The following PPP2R5E variants were observed in gnomAD, a reference collection of about 807,000 sequenced individuals.
PPP2R5E encodes the protein protein phosphatase 2 regulatory subunit B'epsilon, also known as serine/threonine-protein phosphatase 2A 56 kDa regulatory subunit epsilon isoform.
In PPP2R5E, 4 loss-of-function variants were observed where a neutral mutation model predicts 65.3. The observed-to-expected ratio is 0.06, with a 90% CI of 0.03 to 0.14. The LOEUF is 0.14. PPP2R5E is among the 10% of genes least tolerant of loss of function. The pLI is 1.00. For missense variants in PPP2R5E, 274 were observed against 556.1 expected, an observed-to-expected ratio of 0.49 and a Z score of 5.10; for synonymous variants, 183 against 187.4, an observed-to-expected ratio of 0.98 and a Z score of 0.19.
rs1049329571 is a variant in PPP2R5E at position 63,373,311 on chromosome 14, CAAA to C, written c.*2695_*2697del. ...ATTATGAAGCAAACAAAATATAACA[CAAA>C]GATGCATTTGTCACAATTAACTCAA... On this transcript the variant is annotated 3_prime_UTR_variant, in exon 14 of 14. Coordinates refer to ENST00000337537, the MANE Select transcript of PPP2R5E (RefSeq NM_006246.5). The C allele has an allele frequency of 2.0e-5, 3 of 152,120 alleles. No homozygotes were observed. Among genetic ancestry groups the C allele is most frequent in the African/African-American group, 7.2e-5 (3 of 41,418 alleles). The allele number at this position is 152,120 out of a possible 1,614,324, so 9.4% of individuals were successfully genotyped here.
At chr14:63,531,724 T>G (rs548468636) in intron 2 of PPP2R5E, among the ~76,000 whole-genome samples, 1 of 151,722 alleles carries the variant, frequency 6.6e-6, no homozygotes, top group Non-Finnish European at 1.5e-5. Context: ...GAGGCCAAAG[T>G]GGGAGGGTCA....
intron 13 of PPP2R5E, among the ~76,000 whole-genome samples, chr14:63,380,437 T>C (rs1594807435): frequency 6.6e-6 from 1 of 151,884 alleles, no homozygotes; most frequent in Non-Finnish European, 1.5e-5. Context: ...CCGAGGCAGG[T>C]GGATCATGAG....
At chr14:63,430,346 T>TATACATACATACATACATAC (rs36182172) in intron 3 of PPP2R5E, among the ~76,000 whole-genome samples, 13 of 135,148 alleles carry the variant, frequency 9.6e-5, no homozygotes, top group African/African-American at 1.6e-4. Context: ...AAAACCCATG[T>TATACATACATACATACATAC]ATACATACAT....
At chr14:63,410,968 A>T (rs1420719948) in intron 5 of PPP2R5E, among the ~76,000 whole-genome samples, 1 of 152,208 alleles carries the variant, frequency 6.6e-6, no homozygotes, top group Non-Finnish European at 1.5e-5. Context: ...GGCTGAAAAC[A>T]TAAAGTATAT....
intron 5 of PPP2R5E, among the ~76,000 whole-genome samples, chr14:63,398,123 C>T (rs577942361): frequency 6.6e-6 from 1 of 152,278 alleles, no homozygotes; most frequent in African/African-American, 2.4e-5. Flanking sequence ...ATGAGGTCCA[C>T]GCAACTAGTC....
At chr14:63,489,139 G>A (rs1431811142) in intron 2 of PPP2R5E, among the ~76,000 whole-genome samples, 1 of 151,850 alleles carries the variant, frequency 6.6e-6, no homozygotes, top group Non-Finnish European at 1.5e-5. Flanking sequence ...TGGATTTTTG[G>A]TTTTGTTCTT....
At chr14:63,484,343 TCTCTCA>T (rs1890870229) in intron 2 of PPP2R5E, among the ~76,000 whole-genome samples, 1 of 133,272 alleles carries the variant, frequency 7.5e-6, no homozygotes, top group African/African-American at 3.1e-5. Flanking sequence ...TTTCTCTCTC[TCTCTCA>T]CACACACACA....
At chr14:63,493,816 T>C (rs1238261821) in intron 2 of PPP2R5E, among the ~76,000 whole-genome samples, 3 of 152,128 alleles carry the variant, frequency 2.0e-5, no homozygotes, top group Non-Finnish European at 2.9e-5. Flanking sequence ...CTAACTAATT[T>C]AGCTTGTAAA....
At chr14:63,463,124 GA>G (rs772073313) in intron 2 of PPP2R5E, among the ~76,000 whole-genome samples, 3,359 of 136,596 alleles carry the variant, frequency 0.025, 71 homozygotes, top group Non-Finnish European at 0.035. Context: ...AAAAAACTAA[GA>G]TGGTTTTTTT....
chr14:63,398,925 T>A (rs924181107), intron 5 of PPP2R5E, among the ~76,000 whole-genome samples: 7 of 152,210 alleles, frequency 4.6e-5, no homozygotes, highest in African/African-American at 1.7e-4. Flanking sequence ...TTGGTAAGAA[T>A]GTAAAATGGT....
Position 63,448,325 on chromosome 14 carries a change from T to A in PPP2R5E, c.354+5364A>T, listed in dbSNP as rs556873083. Among the ~76,000 whole-genome samples, 807 of 152,004 alleles carry A rather than the reference T, an allele frequency of 5.3e-3. 9 individuals carry two copies. Among genetic ancestry groups the A allele is most frequent in the African/African-American group, 0.018 (759 of 41,462 alleles). On this transcript the variant is annotated intron_variant, in intron 3 of 13. Transcript: ENST00000337537. ...AATAAATAAATAAATAAATAATTTT[T>A]AAAAAGTAACTTCAAAGATCTCTCA...
In PPP2R5E at chr14:63,488,308, C is replaced by T. The variant is rs577953386; in HGVS notation, c.158-34423G>A. Among the ~76,000 whole-genome samples the T allele has an allele frequency of 2.6e-5, 4 of 152,120 alleles. No homozygotes were observed. In the South Asian group the frequency reaches 8.3e-4, roughly 32 times the overall value. The stretch of plus-strand genomic sequence containing the variant: ...AAAATCCTTGGTCCAAGCAATCCTC[C>T]CACCTCAGCCTCCCAAATAGCTAAG... On this transcript the variant is annotated intron_variant, in intron 2 of 13. Coordinates refer to ENST00000337537, the MANE Select transcript of PPP2R5E (RefSeq NM_006246.5).
At chr14:63,465,450 CAAAAAAAAAAAAA>C (rs1171345415) in intron 2 of PPP2R5E, among the ~76,000 whole-genome samples, 17 of 47,418 alleles carry the variant, frequency 3.6e-4, no homozygotes, top group African/African-American at 9.3e-4. Flanking sequence ...TCCACCTCTA[CAAAAAAAAAAAAA>C]AAAAAAAAAA....
rs189155730 is a variant in PPP2R5E, at chr14:63,533,602, A to T, written c.157+5927T>A. ...AGAATATCTAAAAGTGAATGTACAA[A>T]CTATCTGCAAAATGCCTCGGAAATG... On this transcript the variant is annotated intron_variant, in intron 2 of 13. Coordinates refer to ENST00000337537, the MANE Select transcript of PPP2R5E (RefSeq NM_006246.5). 7.3e-5 allele frequency among the ~76,000 whole-genome samples: 11 copies of T among 151,654 alleles called. No individual in the cohort carries two copies. The East Asian group carries it at 2.2e-3, about 30-fold the overall frequency.
At chr14:63,394,287 A>T (rs376349068) in intron 7 of PPP2R5E, among the ~76,000 whole-genome samples, 14 of 151,772 alleles carry the variant, frequency 9.2e-5, no homozygotes, top group African/African-American at 3.4e-4. Context: ...GTTTCACCAT[A>T]TTGTCCAGAC....
intron 2 of PPP2R5E, among the ~76,000 whole-genome samples, chr14:63,509,265 TCC>T (rs1892351033): frequency 7.2e-6 from 1 of 138,736 alleles, no homozygotes; most frequent in Non-Finnish European, 1.5e-5. Flanking sequence ...TTTTAAAATA[TCC>T]TTTTTTTTTT....
chr14:63,389,507 C>T, intron 11 of PPP2R5E, 105 bp downstream of exon 11: 1 of 1,295,844 alleles, frequency 7.7e-7, no homozygotes, highest in Non-Finnish European at 1.0e-6. Flanking sequence ...GAGGGGATAG[C>T]AAATAAACAA....
rs571127681 is a variant in PPP2R5E, at chr14:63,441,903, C to T, written c.354+11786G>A. On this transcript the variant is annotated intron_variant, in intron 3 of 13. Transcript: ENST00000337537. ...CCAGCCTGGGCCACAGAGCAAGACT[C>T]CGTCTAAAAAAAAAAAAAAAAAATA... is the stretch of plus-strand genomic sequence containing the variant. Among the ~76,000 whole-genome samples the T allele has an allele frequency of 1.1e-4, 14 of 125,892 alleles. No individual in the cohort carries two copies. The South Asian group carries it at 1.9e-3, about 17-fold the overall frequency. 82.6% of individuals were successfully genotyped at this position (125,892 alleles called of 152,430 possible).
At chr14:63,386,892 G>A (rs1442719382) in intron 11 of PPP2R5E, among the ~76,000 whole-genome samples, 1 of 149,302 alleles carries the variant, frequency 6.7e-6, no homozygotes, top group African/African-American at 2.5e-5. Context: ...CCACTGCACT[G>A]CAGCCTGGGC....
Sources: allele counts gnomAD v4.1 joint callset (sites outside exome capture counted in the v4.1 genomes callset), GRCh38; gene constraint gnomAD v4.1.1; transcripts MANE v1.5; gene names NCBI Gene and HGNC (gene_info 2026-07-23, HGNC 2026-07-21).